CHODL: variants seen among roughly 807,000 people sequenced by gnomAD.
CHODL encodes the protein transmembrane protein MT75.
Under a neutral mutation model 34.5 loss-of-function variants are expected in CHODL, and 29 were observed. The ratio of observed to expected loss-of-function variants is 0.84; its 90% confidence interval spans 0.63 to 1.15. The LOEUF (loss-of-function observed/expected upper bound fraction) is 1.15, where lower values mean the gene tolerates loss of function less well. CHODL is among the 50% of genes most tolerant of loss of function. CHODL has a pLI of 0.00. For missense variants in CHODL, 332 were observed against 332.5 expected, an observed-to-expected ratio of 1.00 and a Z score of 0.01; for synonymous variants, 125 against 116.1, an observed-to-expected ratio of 1.08 and a Z score of -0.49.
intron 2 of CHODL, among the ~76,000 whole-genome samples, chr21:18,208,454 CAT>C (rs1030667668): frequency 2.0e-5 from 3 of 152,024 alleles, no homozygotes; most frequent in Non-Finnish European, 4.4e-5. Context: ...TGAAAGATCA[CAT>C]ATCTCTGTCT....
intron 2 of CHODL, among the ~76,000 whole-genome samples, chr21:18,120,767 A>ATAATG (rs10694595): frequency 0.57 from 86,303 of 151,110 alleles, 25,145 homozygotes; most frequent in East Asian, 0.88. Flanking sequence ...GAATATCCTG[A>ATAATG]TAATGGACTT....
intron 4 of CHODL, among the ~76,000 whole-genome samples, chr21:18,261,023 G>C (rs1051258800): frequency 1.6e-4 from 25 of 152,116 alleles, no homozygotes; most frequent in Admixed American, 1.6e-3. Flanking sequence ...ACAGGAGTGG[G>C]AGGAAACAGC....
At chr21:18,086,068 G>A (rs1359089210) in intron 2 of CHODL, among the ~76,000 whole-genome samples, 19 of 22,134 alleles carry the variant, frequency 8.6e-4, no homozygotes, top group Non-Finnish European at 1.4e-3. Flanking sequence ...TTTTTTTTTT[G>A]CCTGCTTGGA....
chr21:18,238,897 A>C (rs967228843), intron 2 of CHODL, among the ~76,000 whole-genome samples: 2 of 152,166 alleles, frequency 1.3e-5, no homozygotes, highest in African/African-American at 4.8e-5. Flanking sequence ...AATGACTCTT[A>C]CCTATTAGAG....
intron 2 of CHODL, among the ~76,000 whole-genome samples, chr21:18,222,051 C>T (rs2073889352): frequency 6.6e-6 from 1 of 152,220 alleles, no homozygotes; most frequent in Admixed American, 6.5e-5. Context: ...GGTGGACAGA[C>T]TGCTCCTCAA....
At chr21:17,980,501 A>T (rs559586716) in intron 1 of CHODL, among the ~76,000 whole-genome samples, 19 of 152,316 alleles carry the variant, frequency 1.2e-4, no homozygotes, top group Non-Finnish European at 1.6e-4. Flanking sequence ...ATCCATTTGA[A>T]TCAGCAACCT....
chr21:18,265,863 A>G (rs2074453603), intron 5 of CHODL, 91 bp from the exon 6 acceptor site: 4 of 1,006,586 alleles, frequency 4.0e-6, no homozygotes, highest in Non-Finnish European at 5.8e-6. Flanking sequence ...TCTTTCATAA[A>G]TAACTGTCTG....
chr21:18,236,999 T>A (rs1489482140), intron 2 of CHODL, among the ~76,000 whole-genome samples: 2 of 152,120 alleles, frequency 1.3e-5, no homozygotes, highest in African/African-American at 4.8e-5. Flanking sequence ...TAAAGAGGCA[T>A]AATTTATACA....
intron 2 of CHODL, among the ~76,000 whole-genome samples, chr21:18,191,716 C>G (rs2073512851): frequency 6.6e-6 from 1 of 152,074 alleles, no homozygotes. Context: ...AGTATGAATG[C>G]TGCAAGATTT....
chr21:17,932,200 A>G (rs112956887), intron 1 of CHODL, among the ~76,000 whole-genome samples: 4 of 152,348 alleles, frequency 2.6e-5, no homozygotes, highest in South Asian at 2.1e-4. Context: ...AAGATATGAA[A>G]AAAAGGCTCA....
intron 2 of CHODL, among the ~76,000 whole-genome samples, chr21:18,186,059 C>T (rs983277052): frequency 2.6e-5 from 4 of 152,020 alleles, no homozygotes; most frequent in African/African-American, 9.7e-5. Context: ...CCCTAAGTAC[C>T]CCTGGCTTTA....
chr21:18,266,370 C>T lies in CHODL; in HGVS notation c.*332C>T, dbSNP rs2074462429. The T allele has an allele frequency of 9.6e-6, 5 of 519,012 alleles. No individual in the cohort carries two copies. Among genetic ancestry groups the T allele is most frequent in the Middle Eastern group, 5.5e-4 (1 of 1,826 alleles). 32.2% of individuals were successfully genotyped at this position (519,012 alleles called of 1,614,324 possible). ...AAGCAATTCCTTTTATTTCTTTCAC[C>T]TTTCATAAGTTGTTATCTAGTCAAT... On this transcript the variant is annotated 3_prime_UTR_variant, in exon 6 of 6. Transcript: ENST00000299295.
At chr21:18,183,430 T>C (rs2073405431) in intron 2 of CHODL, among the ~76,000 whole-genome samples, 1 of 152,208 alleles carries the variant, frequency 6.6e-6, no homozygotes, top group South Asian at 2.1e-4. Context: ...ACCTTGTACA[T>C]GAAGATGTAC....
At chr21:18,028,290 C>CCTTT (rs2064205617) in intron 2 of CHODL, among the ~76,000 whole-genome samples, 2 of 132,228 alleles carry the variant, frequency 1.5e-5, no homozygotes, top group East Asian at 2.8e-4. Context: ...TTCCTTCCTT[C>CCTTT]CTTCCTTCCT....
At chr21:18,168,127 T>C (rs983621918) in intron 2 of CHODL, among the ~76,000 whole-genome samples, 2 of 152,222 alleles carry the variant, frequency 1.3e-5, no homozygotes, top group African/African-American at 2.4e-5. Flanking sequence ...CCAGGGTCTC[T>C]CAGACCTTCC....
At chr21:18,005,941 C>A (rs189610900) in intron 1 of CHODL, among the ~76,000 whole-genome samples, 3 of 152,124 alleles carry the variant, frequency 2.0e-5, no homozygotes, top group Non-Finnish European at 4.4e-5. Context: ...ACAATTTCCA[C>A]GTTTCATGGG....
At chr21:18,128,034 C>A (rs111476666) in intron 2 of CHODL, among the ~76,000 whole-genome samples, 10,492 of 151,786 alleles carry the variant, frequency 0.069, 401 homozygotes, top group Middle Eastern at 0.12. Flanking sequence ...GGCGTATTGG[C>A]TCATGCTTGT....
chr21:18,109,474 C>T (rs2065320271), intron 2 of CHODL, among the ~76,000 whole-genome samples: 1 of 152,076 alleles, frequency 6.6e-6, no homozygotes, highest in Non-Finnish European at 1.5e-5. Context: ...ACCAAGTTTC[C>T]AGAGGGCAGC....
intron 2 of CHODL, among the ~76,000 whole-genome samples, chr21:18,124,636 C>G (rs1438661920): frequency 6.6e-6 from 1 of 152,006 alleles, no homozygotes; most frequent in Non-Finnish European, 1.5e-5. Flanking sequence ...TACTATCAAA[C>G]AAGTCATTGA....
Sources: allele counts gnomAD v4.1 joint callset (sites outside exome capture counted in the v4.1 genomes callset), GRCh38; gene constraint gnomAD v4.1.1; transcripts MANE v1.5; gene names NCBI Gene and HGNC (gene_info 2026-07-23, HGNC 2026-07-21).